The following CASKIN2 variants were observed in gnomAD, a reference collection of about 807,000 sequenced individuals.
CASKIN2 encodes the protein caskin-2.
Under a neutral mutation model 107.1 loss-of-function variants are expected in CASKIN2, and 41 were observed. The ratio of observed to expected loss-of-function variants is 0.38; its 90% confidence interval spans 0.30 to 0.50. The LOEUF (loss-of-function observed/expected upper bound fraction) is 0.50. Ranked by LOEUF, CASKIN2 falls within the 20% of genes least tolerant of loss-of-function variation. The probability of loss-of-function intolerance (pLI) is 0.92; values close to 1 mark genes in which losing one functional copy is unlikely to be tolerated. For missense variants in CASKIN2, 1,546 were observed against 1,657.4 expected (o/e 0.93, Z 1.17); for synonymous variants, 724 against 705.6 (o/e 1.03, Z -0.41).
rs1480611194 is a variant in CASKIN2 at position 75,503,067 on chromosome 17, G to A, written c.2007C>T (p.Gly669=). Reference sequence around the variant, plus strand: ...CCTGTAGCTCTGGGCTTAGTTCGCTGCCCTGGAAGGTGAGGAGCCGTGGGC... The same window carrying A: ...CCTGTAGCTCTGGGCTTAGTTCGCTACCCTGGAAGGTGAGGAGCCGTGGGC... ...TAGPRLLTFQ[G]SELSPELQAA... The change falls in exon 18 of 20, where the codon GGC becomes GGT. Residue 669 remains glycine, a synonymous_variant. Transcript: ENST00000321617. 1 of 1,606,986 alleles carries A rather than the reference G, an allele frequency of 6.2e-7. No homozygotes were observed. Among genetic ancestry groups the A allele is most frequent in the African/African-American group, 1.3e-5 (1 of 74,982 alleles).
Position 75,506,894 on chromosome 17 carries a change from A to G in CASKIN2, c.391T>C (p.Ser131Pro), listed in dbSNP as rs758009512. ...LAAQYGHYEV[S>P]EMLLQHQSNP... is the part of the protein sequence containing the mutation. ...GACTGATGCTGGAGGAGCATTTCTG[A>G]CTGGGGTTGGGGGAGCCGAGTGAGG... The change falls in exon 6 of 20, where the codon TCA becomes CCA. Residue 131 changes from serine (S) to proline (P), a missense_variant and splice_region_variant. This residue lies in a region of CASKIN2 where 136 missense variants were observed against 198.6 expected (regional missense o/e 0.68). Coordinates refer to ENST00000321617, the MANE Select transcript of CASKIN2 (RefSeq NM_020753.5). The surrounding 1 kb of genome is among the most constrained non-coding windows in gnomAD (Gnocchi z 4.8). 1.9e-6 allele frequency: 3 copies of G among 1,611,296 alleles called. No individual in the cohort carries two copies. In the African/African-American group the frequency reaches 4.0e-5, roughly 22 times the overall value.
intron 15 of CASKIN2, 27 bp from the exon 16 acceptor site, chr17:75,503,787 CCCCTCCCCCGCCTGCTGGG>C (rs1269700310): frequency 2.5e-6 from 4 of 1,611,478 alleles, no homozygotes; most frequent in Non-Finnish European, 1.7e-6. Context: ...GGCCATCAGG[CCCCTCCCCCGCCTGCTGGG>C]CCCTCCCCCG....
Position 75,500,997 on chromosome 17 carries a change from G to A in CASKIN2, c.*83C>T, listed in dbSNP as rs1007491045. On this transcript the variant is annotated 3_prime_UTR_variant, in exon 20 of 20. Coordinates refer to ENST00000321617, the MANE Select transcript of CASKIN2 (RefSeq NM_020753.5). Reference sequence around the variant, plus strand: ...CTTCAGCCTGACCAGCCCTTGGCCCGTCCCTAGGGTGGCAGGGGCCTCTTC... The same window carrying A: ...CTTCAGCCTGACCAGCCCTTGGCCCATCCCTAGGGTGGCAGGGGCCTCTTC... The A allele has an allele frequency of 2.0e-5, 27 of 1,348,140 alleles. No individual in the cohort carries two copies. The highest frequency in any genetic ancestry group is 1.9e-4 in the Middle Eastern group (1 of 5,382). 83.5% of individuals were successfully genotyped at this position (1,348,140 alleles called of 1,614,324 possible).
intron 2 of CASKIN2, among the ~76,000 whole-genome samples, chr17:75,513,019 C>T (rs947151130): frequency 2.0e-5 from 3 of 152,156 alleles, no homozygotes; most frequent in African/African-American, 4.8e-5. Context: ...ATTCAGTCTT[C>T]TCTAACCCAC....
At position 75,506,633 on chromosome 17, in the gene CASKIN2, G is replaced by A. The variant is rs756891817; in HGVS notation, c.567C>T (p.Tyr189=). The change falls in exon 7 of 20, where the codon TAC becomes TAT. Residue 189 remains tyrosine (Y), a synonymous_variant. Transcript: ENST00000321617. The surrounding 1 kb of genome is among the most constrained non-coding windows in gnomAD (Gnocchi z 4.8). Reference sequence around the variant, plus strand: ...TGGCAGCCAAGTGCAGGGGCGTGGTGTAGTTGGGGTCACACGGGTCTTTGG... The same window carrying A: ...TGGCAGCCAAGTGCAGGGGCGTGGTATAGTTGGGGTCACACGGGTCTTTGG... ...GEAKDPCDPN[Y]TTPLHLAAKN... 4.3e-6 allele frequency: 7 copies of A among 1,613,148 alleles called. No homozygotes were observed. Among genetic ancestry groups the A allele is most frequent in the Non-Finnish European group, 5.9e-6 (7 of 1,179,916 alleles).
Position 75,513,696 on chromosome 17 carries a change from C to T in CASKIN2, c.94+15G>A. On this transcript the variant is annotated intron_variant, in intron 2 of 19. Transcript: ENST00000321617. ...GCTCGGCCTCAGCGGGATGCTCGTC[C>T]CACCCGGTACTCACTTGTCTTTGTG... The T allele has an allele frequency of 1.2e-6, 2 of 1,612,422 alleles. No homozygotes were observed. The highest frequency in any genetic ancestry group is 1.7e-6 in the Non-Finnish European group (2 of 1,178,848).
intron 3 of CASKIN2, 83 bp from the exon 4 acceptor site, chr17:75,507,764 C>G: frequency 9.3e-7 from 1 of 1,079,090 alleles, no homozygotes; most frequent in Non-Finnish European, 1.4e-6. Context: ...CGAACCTATC[C>G]TGGGGGCTGG....
At chr17:75,507,939 G>C (rs2053283023) in intron 3 of CASKIN2, 4 of 583,286 alleles carry the variant, frequency 6.9e-6, no homozygotes, top group African/African-American at 3.7e-5. Flanking sequence ...GCAGGAGCCT[G>C]AGGGCTCCTA....
At chr17:75,514,279 AG>A in intron 1 of CASKIN2, 71 bp from the exon 2 acceptor site, 1 of 414,578 alleles carries the variant, frequency 2.4e-6, no homozygotes, top group East Asian at 3.5e-5. Context: ...TGGAGTGCAG[AG>A]GATGAGCAGG....
In CASKIN2 at chr17:75,504,679, T is replaced by G. The variant is rs1273997648; in HGVS notation, c.1207A>C (p.Ser403Arg). Residue 403 changes from serine (S) to arginine (R), a missense_variant, in exon 12 of 20, where the codon AGT becomes CGT. Ser to Arg is a moderately radical substitution (Grantham distance 110). Transcript: ENST00000321617. ...SPDSPAGDRN[S>R]VGSEGSVGSI... Reference sequence around the variant, plus strand: ...CCCACGCTGCCCTCACTGCCCACACTATTCCTGTCACCTGCTGTGGGGGGC... The same window carrying G: ...CCCACGCTGCCCTCACTGCCCACACGATTCCTGTCACCTGCTGTGGGGGGC... 1 of 1,598,974 alleles carries G rather than the reference T, an allele frequency of 6.3e-7. No individual in the cohort carries two copies. The highest frequency in any genetic ancestry group is 2.3e-5 in the East Asian group (1 of 44,272).
In CASKIN2 at chr17:75,507,648, G is replaced by A. The variant is rs557411380; in HGVS notation, c.180C>T (p.Gly60=). The A allele has an allele frequency of 7.4e-6, 12 of 1,613,048 alleles. No individual in the cohort carries two copies. The South Asian group carries it at 1.1e-4, about 15-fold the overall frequency. The part of the protein sequence containing the change: ...FSALHHAALG[G]SLELIALLLE... Reference sequence around the variant, plus strand: ...GCAGCAAGGCTATGAGCTCCAGGCTGCCCCCCAAAGCAGCGTGGTGGAGGG... The same window carrying A: ...GCAGCAAGGCTATGAGCTCCAGGCTACCCCCCAAAGCAGCGTGGTGGAGGG... Residue 60 remains glycine, a synonymous_variant, in exon 4 of 20, where the codon GGC becomes GGT. Coordinates refer to ENST00000321617, the MANE Select transcript of CASKIN2 (RefSeq NM_020753.5).
chr17:75,511,717 A>G (rs1017407543), intron 2 of CASKIN2, among the ~76,000 whole-genome samples: 20 of 152,094 alleles, frequency 1.3e-4, no homozygotes, highest in African/African-American at 4.6e-4. Context: ...CGCAGGGTGA[A>G]TTCTCCACTT....
chr17:75,503,280 G>C (rs745408390), intron 17 of CASKIN2, 26 bp from the exon 18 acceptor site: 1 of 1,574,310 alleles, frequency 6.4e-7, no homozygotes, highest in Non-Finnish European at 8.6e-7. Context: ...GAAGTGGCAA[G>C]GTTAGCTGGG....
At chr17:75,504,331 T>A (rs1394549475) in intron 13 of CASKIN2, 25 bp from the exon 14 acceptor site, 1 of 1,600,596 alleles carries the variant, frequency 6.2e-7, no homozygotes. Flanking sequence ...AAAAATGGAA[T>A]GGAAAGGTGG....
At chr17:75,509,962 A>G in intron 2 of CASKIN2, 1 of 983,044 alleles carries the variant, frequency 1.0e-6, no homozygotes, top group South Asian at 4.7e-5. Flanking sequence ...ATAGCCGGAA[A>G]GGCGGTGGGG....
In CASKIN2 at chr17:75,503,526, G is replaced by A. The variant is rs116593364; in HGVS notation, c.1682C>T (p.Thr561Met). ...TGCACACAGCCACTCCAGCAGGTCC[G>A]TCTGGAAGAGCACCGTCCTCAGAAC... is the stretch of plus-strand genomic sequence containing the variant. Reference protein sequence around the residue: ...IAEWLPSYIPTDLLEWLCALG... With the variant: ...IAEWLPSYIPMDLLEWLCALG... The change falls in exon 17 of 20, where the codon ACG becomes ATG. Residue 561 changes from threonine to methionine, a missense_variant and splice_region_variant. Transcript: ENST00000321617. The A allele has an allele frequency of 8.0e-4, 1,292 of 1,608,370 alleles. 15 individuals are homozygous for A. In the African/African-American group the frequency reaches 0.015, roughly 19 times the overall value.
chr17:75,504,537 G>A (rs888079661), intron 12 of CASKIN2, 35 bp downstream of exon 12: 4 of 1,595,230 alleles, frequency 2.5e-6, no homozygotes, highest in Non-Finnish European at 3.4e-6. Flanking sequence ...AGTGGGGAGT[G>A]AGCCCTGACC....
Position 75,504,797 on chromosome 17 carries a change from C to G in CASKIN2, c.1192+15G>C. On this transcript the variant is annotated intron_variant, in intron 11 of 19. Transcript: ENST00000321617. ...GCCCACACAGTGCCCAGCACTGCCC[C>G]CTGGGAGGATGTACCTGGGCTGTCT... 6.2e-7 allele frequency: 1 copy of G among 1,604,474 alleles called. No homozygotes were observed. The highest frequency in any genetic ancestry group is 8.5e-7 in the Non-Finnish European group (1 of 1,175,834).
Position 75,504,496 on chromosome 17 carries a change from C to A in CASKIN2, c.1315-16G>T, listed in dbSNP as rs763749607. The A allele has an allele frequency of 3.1e-6, 5 of 1,599,790 alleles. No individual in the cohort carries two copies. The South Asian group carries it at 4.4e-5, about 14-fold the overall frequency. ...AGGGCAGTGGCTGGAGGAGACAGGG[C>A]AGGAGCCAACTCAGCATTTGGGGAA... On this transcript the variant is annotated splice_polypyrimidine_tract_variant and intron_variant, in intron 12 of 19. Coordinates refer to ENST00000321617, the MANE Select transcript of CASKIN2 (RefSeq NM_020753.5).
Sources: allele counts gnomAD v4.1 joint callset (sites outside exome capture counted in the v4.1 genomes callset), GRCh38; gene constraint gnomAD v4.1.1; regional missense constraint gnomAD v4.1.1; non-coding constraint Gnocchi (gnomAD v3.1); transcripts MANE v1.5; gene names NCBI Gene and HGNC (gene_info 2026-07-23, HGNC 2026-07-21).